Variants in GRM8 observed in about 807,000 individuals in gnomAD.
The protein encoded by GRM8 is metabotropic glutamate receptor 8.
Under a neutral mutation model 87.2 loss-of-function variants are expected in GRM8, and 47 were observed. The ratio of observed to expected loss-of-function variants is 0.54; its 90% confidence interval spans 0.43 to 0.69. The LOEUF (loss-of-function observed/expected upper bound fraction) is 0.69, where lower values mean the gene tolerates loss of function less well. Among genes scored for constraint, GRM8 ranks in the 30% least tolerant of loss-of-function variants. The probability of loss-of-function intolerance (pLI) is 0.00; values close to 1 mark genes in which losing one functional copy is unlikely to be tolerated. For synonymous variants in GRM8, 396 were observed against 404.5 expected (o/e 0.98, Z 0.25); for missense variants, 1,019 against 1,139.2 (o/e 0.89, Z 1.52).
At chr7:126,844,677 C>T (rs1282502161) in intron 6 of GRM8, among the ~76,000 whole-genome samples, 1 of 152,128 alleles carries the variant, frequency 6.6e-6, no homozygotes, top group Admixed American at 6.6e-5. Flanking sequence ...AGGATGCCAC[C>T]ATGGTCAGGT....
At chr7:126,648,559 G>T (rs1378930771) in intron 7 of GRM8, among the ~76,000 whole-genome samples, 2 of 152,172 alleles carry the variant, frequency 1.3e-5, no homozygotes, top group Non-Finnish European at 2.9e-5. Flanking sequence ...AGAAGGGTAA[G>T]AACAATAGAA....
intron 7 of GRM8, among the ~76,000 whole-genome samples, chr7:126,704,063 TTA>T (rs1365174674): frequency 1.3e-5 from 2 of 152,120 alleles, no homozygotes; most frequent in Non-Finnish European, 2.9e-5. Flanking sequence ...AACCCTCTTA[TTA>T]TATGTTTCCT....
At chr7:126,562,429 G>A (rs1451744902) in intron 8 of GRM8, among the ~76,000 whole-genome samples, 1 of 152,162 alleles carries the variant, frequency 6.6e-6, no homozygotes, top group African/African-American at 2.4e-5. Flanking sequence ...ATTAACAAGG[G>A]AGTCCTGGGA....
chr7:127,162,098 A>C (rs1304835667), intron 2 of GRM8, among the ~76,000 whole-genome samples: 3 of 152,168 alleles, frequency 2.0e-5, no homozygotes, highest in Non-Finnish European at 4.4e-5. Flanking sequence ...TACAATGTTG[A>C]ACTATATAGC....
chr7:126,650,182 T>C (rs1579215), intron 7 of GRM8, among the ~76,000 whole-genome samples: 46,713 of 152,104 alleles, frequency 0.31, 8,036 homozygotes, highest in East Asian at 0.43. Flanking sequence ...CAGCATTCCA[T>C]CATCAAATGG....
chr7:126,943,110 G>C (rs1807149436), intron 3 of GRM8, among the ~76,000 whole-genome samples: 1 of 152,162 alleles, frequency 6.6e-6, no homozygotes, highest in African/African-American at 2.4e-5. Context: ...CAAGATTCTA[G>C]ATTTTATCAG....
chr7:127,230,821 GA>G (rs1295725981), intron 2 of GRM8, among the ~76,000 whole-genome samples: 5 of 151,874 alleles, frequency 3.3e-5, no homozygotes, highest in South Asian at 2.1e-4. Flanking sequence ...AATGTGAGGG[GA>G]AAAAAAGGCT....
At chr7:126,750,488 T>C (rs938456965) in intron 7 of GRM8, among the ~76,000 whole-genome samples, 1 of 152,048 alleles carries the variant, frequency 6.6e-6, no homozygotes, top group Non-Finnish European at 1.5e-5. Context: ...TTACCTCAAT[T>C]AAGCCGACGA....
chr7:126,640,841 A>G (rs1423026681), intron 7 of GRM8, among the ~76,000 whole-genome samples: 1 of 152,106 alleles, frequency 6.6e-6, no homozygotes, highest in Non-Finnish European at 1.5e-5. Flanking sequence ...TCATGAGAAG[A>G]GCGTCCCTAT....
chr7:127,244,003 T>C (rs1422915160), intron 1 of GRM8, among the ~76,000 whole-genome samples: 1 of 152,136 alleles, frequency 6.6e-6, no homozygotes, highest in Non-Finnish European at 1.5e-5. Flanking sequence ...AAGTGATTAT[T>C]CAATTACAAA....
At chr7:126,598,548 T>A (rs1447576096) in intron 8 of GRM8, among the ~76,000 whole-genome samples, 1 of 152,156 alleles carries the variant, frequency 6.6e-6, no homozygotes, top group African/African-American at 2.4e-5. Flanking sequence ...TCCTCACTTA[T>A]TTATTTGTCC....
At chr7:127,164,493 A>C (rs1325055375) in intron 2 of GRM8, among the ~76,000 whole-genome samples, 1 of 152,192 alleles carries the variant, frequency 6.6e-6, no homozygotes. Flanking sequence ...GTAATTAGGA[A>C]AACAATTCAA....
chr7:126,713,608 TAAA>T (rs199535083), intron 7 of GRM8, among the ~76,000 whole-genome samples: 12 of 59,568 alleles, frequency 2.0e-4, no homozygotes, highest in South Asian at 4.1e-4. Flanking sequence ...GAACTTAAAG[TAAA>T]AAAAAAAAAA....
At chr7:126,650,027 T>C (rs1025985070) in intron 7 of GRM8, among the ~76,000 whole-genome samples, 8 of 152,208 alleles carry the variant, frequency 5.3e-5, no homozygotes, top group African/African-American at 1.7e-4. Flanking sequence ...TTTTGAGAGA[T>C]AGCTCTTGTC....
chr7:126,815,779 G>T (rs1793731335), intron 6 of GRM8, among the ~76,000 whole-genome samples: 1 of 152,118 alleles, frequency 6.6e-6, no homozygotes, highest in African/African-American at 2.4e-5. Flanking sequence ...TGCTCATGAT[G>T]CTGATCTGTT....
At chr7:126,588,774 C>T (rs749109789) in intron 8 of GRM8, among the ~76,000 whole-genome samples, 4 of 152,166 alleles carry the variant, frequency 2.6e-5, no homozygotes, top group Non-Finnish European at 4.4e-5. Flanking sequence ...ATTGCTCCTG[C>T]AGGACCCAGG....
chr7:126,697,714 C>T (rs1809531687), intron 7 of GRM8, among the ~76,000 whole-genome samples: 1 of 152,078 alleles, frequency 6.6e-6, no homozygotes, highest in South Asian at 2.1e-4. Flanking sequence ...CCTGTAATCC[C>T]TTCTCTTTGG....
intron 3 of GRM8, among the ~76,000 whole-genome samples, chr7:127,027,882 G>A (rs1458200657): frequency 1.3e-5 from 2 of 152,236 alleles, no homozygotes; most frequent in East Asian, 3.9e-4. Context: ...AATATGAGTG[G>A]TGAGAGAGGT....
At chr7:126,950,493 TTCTC>T (rs536467034) in intron 3 of GRM8, among the ~76,000 whole-genome samples, 266 of 151,944 alleles carry the variant, frequency 1.8e-3, no homozygotes, top group African/African-American at 6.0e-3. Context: ...TTTTATCTAT[TTCTC>T]TCTCTCTCTC....
Sources: allele counts gnomAD v4.1 joint callset (sites outside exome capture counted in the v4.1 genomes callset), GRCh38; gene constraint gnomAD v4.1.1; transcripts MANE v1.5; gene names NCBI Gene and HGNC (gene_info 2026-07-23, HGNC 2026-07-21).